The following EPHA6 variants were observed in gnomAD, a reference collection of about 807,000 sequenced individuals.
EPHA6 encodes ephrin type-A receptor 6.
EPHA6 carries 50 observed loss-of-function variants against 112.0 expected under a neutral mutation model. The observed-to-expected ratio is 0.45, with a 90% CI of 0.36 to 0.56. The LOEUF (loss-of-function observed/expected upper bound fraction) is 0.56. Among genes scored for constraint, EPHA6 ranks in the 20% least tolerant of loss-of-function variants. The probability of loss-of-function intolerance (pLI) is 0.00; values close to 1 mark genes in which losing one functional copy is unlikely to be tolerated. For missense variants in EPHA6, 1,280 were observed against 1,417.4 expected, an observed-to-expected ratio of 0.90 and a Z score of 1.56; for synonymous variants, 529 against 490.7, an observed-to-expected ratio of 1.08 and a Z score of -1.03.
chr3:97,248,485 T>C (rs550972998), intron 5 of EPHA6, among the ~76,000 whole-genome samples: 14 of 152,236 alleles, frequency 9.2e-5, no homozygotes, highest in African/African-American at 3.4e-4. Context: ...AAACAAATTG[T>C]GTTTGTAGAT....
intron 6 of EPHA6, among the ~76,000 whole-genome samples, chr3:97,428,611 A>G (rs2089305850): frequency 6.6e-6 from 1 of 152,120 alleles, no homozygotes; most frequent in Admixed American, 6.6e-5. Flanking sequence ...TAAGCAACCT[A>G]CATATTTTAT....
At chr3:96,828,389 T>C (rs1030435844) in intron 1 of EPHA6, among the ~76,000 whole-genome samples, 52 of 152,246 alleles carry the variant, frequency 3.4e-4, no homozygotes, top group African/African-American at 1.2e-3. Flanking sequence ...TTTAAAAAAC[T>C]ACCTATGTGT....
chr3:96,826,574 G>A (rs1239128169), intron 1 of EPHA6, among the ~76,000 whole-genome samples: 2 of 152,046 alleles, frequency 1.3e-5, no homozygotes, highest in Non-Finnish European at 2.9e-5. Flanking sequence ...CTATTCCAGT[G>A]CTAAGGTAGG....
rs145779505 is a variant in EPHA6 at position 97,287,587 on chromosome 3, T to C, written c.1606+43300T>C. On this transcript the variant is annotated intron_variant, in intron 5 of 17. Transcript: ENST00000389672. Reference sequence around the variant, plus strand: ...GTTGAGGTATGTTGTTTATGAGCCATGTTCTTTTATGTTTATTGAGAGTTT... The same window carrying C: ...GTTGAGGTATGTTGTTTATGAGCCACGTTCTTTTATGTTTATTGAGAGTTT... Among the ~76,000 whole-genome samples, 13 of 152,246 alleles carry C rather than the reference T, an allele frequency of 8.5e-5. No individual in the cohort carries two copies. In the East Asian group the frequency reaches 2.5e-3, roughly 29 times the overall value.
At chr3:96,879,029 T>A (rs1170270628) in intron 2 of EPHA6, among the ~76,000 whole-genome samples, 1 of 152,044 alleles carries the variant, frequency 6.6e-6, no homozygotes, top group African/African-American at 2.4e-5. Context: ...TACAGAACAC[T>A]TAATATGGTG....
intron 11 of EPHA6, among the ~76,000 whole-genome samples, chr3:97,591,164 A>G (rs1054206225): frequency 2.0e-5 from 3 of 152,146 alleles, no homozygotes; most frequent in African/African-American, 7.2e-5. Flanking sequence ...TTTTTTTTCT[A>G]AGCTTTCTTT....
intron 10 of EPHA6, among the ~76,000 whole-genome samples, chr3:97,502,607 G>T (rs2107560669): frequency 6.6e-6 from 1 of 151,696 alleles, no homozygotes; most frequent in East Asian, 2.0e-4. Flanking sequence ...GACCAAGATG[G>T]GAGGATCACG....
At chr3:97,410,373 A>G (rs2087635548) in intron 6 of EPHA6, among the ~76,000 whole-genome samples, 1 of 152,036 alleles carries the variant, frequency 6.6e-6, no homozygotes, top group Non-Finnish European at 1.5e-5. Flanking sequence ...ATGCTGCTCA[A>G]TATACATTTC....
chr3:97,069,767 G>T (rs2046297030), intron 3 of EPHA6, among the ~76,000 whole-genome samples: 1 of 152,046 alleles, frequency 6.6e-6, no homozygotes, highest in African/African-American at 2.4e-5. Flanking sequence ...TATATTAGAT[G>T]CTCATTCTTA....
At chr3:97,070,930 C>A (rs1576432022) in intron 3 of EPHA6, among the ~76,000 whole-genome samples, 1 of 152,074 alleles carries the variant, frequency 6.6e-6, no homozygotes, top group Admixed American at 6.6e-5. Context: ...ACTGGCCTAA[C>A]AAGGCCCTAT....
At chr3:97,050,749 T>C (rs1258105185) in intron 3 of EPHA6, among the ~76,000 whole-genome samples, 6 of 152,176 alleles carry the variant, frequency 3.9e-5, no homozygotes, top group South Asian at 2.1e-4. Flanking sequence ...TATTTGTTTA[T>C]TTTTTACTTT....
At position 97,627,522 on chromosome 3, in the gene EPHA6, G is replaced by A. The variant is rs1347080930; in HGVS notation, c.2575-10351G>A. 2.6e-5 allele frequency among the ~76,000 whole-genome samples: 4 copies of A among 151,822 alleles called. No homozygotes were observed. In the East Asian group the frequency reaches 5.8e-4, roughly 22 times the overall value. On this transcript the variant is annotated intron_variant, in intron 13 of 17. Transcript: ENST00000389672. ...TAGCAAGTGCCAGTTCTCTGAAGTA[G>A]GAGCATTTTATTTCTACAGAATGGC...
intron 11 of EPHA6, among the ~76,000 whole-genome samples, chr3:97,561,253 A>G (rs2093186883): frequency 6.6e-6 from 1 of 151,964 alleles, no homozygotes; most frequent in Admixed American, 6.6e-5. Flanking sequence ...AGCTCATAAA[A>G]CTCAGTGAGG....
At chr3:97,173,941 G>A in intron 3 of EPHA6, among the ~76,000 whole-genome samples, 1 of 151,546 alleles carries the variant, frequency 6.6e-6, no homozygotes, top group South Asian at 2.1e-4. Context: ...ATTAACTACA[G>A]TCACCCTATT....
At chr3:97,154,957 CCTAG>C (rs1227261872) in intron 3 of EPHA6, among the ~76,000 whole-genome samples, 1 of 152,084 alleles carries the variant, frequency 6.6e-6, no homozygotes, top group Non-Finnish European at 1.5e-5. Flanking sequence ...AAGAAACCAA[CCTAG>C]CTGTTTGTAT....
chr3:97,346,029 C>T (rs1669828089), intron 5 of EPHA6, among the ~76,000 whole-genome samples: 1 of 152,030 alleles, frequency 6.6e-6, no homozygotes, highest in African/African-American at 2.4e-5. Flanking sequence ...AATGCTACAC[C>T]TCCTCTCATA....
At chr3:96,878,352 AAG>A (rs1193131517) in intron 2 of EPHA6, among the ~76,000 whole-genome samples, 1 of 151,766 alleles carries the variant, frequency 6.6e-6, no homozygotes, top group Non-Finnish European at 1.5e-5. Context: ...GAGAGAGAGA[AAG>A]AGAGAGCAAG....
Position 96,887,216 on chromosome 3 carries a change from G to A in EPHA6, c.450+20327G>A, listed in dbSNP as rs551776895. On this transcript the variant is annotated intron_variant, in intron 2 of 17. Transcript: ENST00000389672. ...TTTCTGGTTCCTTCTCATTTGGGTA[G>A]GCTCTGTCAGAGGGAGGTTCTAAGG... Among the ~76,000 whole-genome samples, 41 of 147,652 alleles carry A rather than the reference G, an allele frequency of 2.8e-4. 1 individual carries two copies. The South Asian group carries it at 4.6e-3, about 16-fold the overall frequency.
intron 3 of EPHA6, among the ~76,000 whole-genome samples, chr3:97,040,723 A>G (rs1053292086): frequency 3.6e-4 from 55 of 152,232 alleles, no homozygotes; most frequent in African/African-American, 1.3e-3. Flanking sequence ...TTCTTCAGAG[A>G]TAATTTATTT....
Sources: allele counts gnomAD v4.1 joint callset (sites outside exome capture counted in the v4.1 genomes callset), GRCh38; gene constraint gnomAD v4.1.1; transcripts MANE v1.5; gene names NCBI Gene and HGNC (gene_info 2026-07-23, HGNC 2026-07-21).